ADAMTS9: variants seen among roughly 807,000 people sequenced by gnomAD.
ADAMTS9 encodes A disintegrin and metalloproteinase with thrombospondin motifs 9.
A neutral mutation model predicts 257.1 loss-of-function variants in ADAMTS9; 107 were observed. The ratio of observed to expected loss-of-function variants is 0.42; its 90% CI spans 0.36 to 0.49. ADAMTS9 has a LOEUF of 0.49. Among genes scored for constraint, ADAMTS9 ranks in the 20% least tolerant of loss-of-function variants. ADAMTS9 has a pLI of 0.03. For synonymous variants in ADAMTS9, 982 were observed against 880.9 expected (o/e 1.11, Z -2.03); for missense variants, 2,353 against 2,469.1 (o/e 0.95, Z 1.00).
intron 12 of ADAMTS9, among the ~76,000 whole-genome samples, chr3:64,634,911 T>G (rs539569906): frequency 2.6e-5 from 4 of 152,296 alleles, no homozygotes; most frequent in South Asian, 2.1e-4. Flanking sequence ...AAATATAGAA[T>G]GAGAGGTAGA....
At chr3:64,657,581 T>A (rs1701109499) in intron 4 of ADAMTS9, among the ~76,000 whole-genome samples, 1 of 152,058 alleles carries the variant, frequency 6.6e-6, no homozygotes. Context: ...CCTCAGATTA[T>A]CCCACCTCAG....
chr3:64,577,054 A>T (rs1174217678), intron 28 of ADAMTS9, among the ~76,000 whole-genome samples: 1 of 152,222 alleles, frequency 6.6e-6, no homozygotes, highest in Non-Finnish European at 1.5e-5. Flanking sequence ...TAAATATAGC[A>T]GTATATGAAA....
At chr3:64,579,415 T>G (rs1271194756) in intron 28 of ADAMTS9, among the ~76,000 whole-genome samples, 3 of 152,198 alleles carry the variant, frequency 2.0e-5, no homozygotes, top group African/African-American at 4.8e-5. Flanking sequence ...TCACCTACTC[T>G]TCTACGCTAT....
At position 64,686,808 on chromosome 3, in the gene ADAMTS9, G is replaced by A. The variant is rs772222288; in HGVS notation, c.276C>T (p.Ser92=). The A allele has an allele frequency of 3.2e-5, 51 of 1,613,988 alleles. No homozygotes were observed. The South Asian group carries it at 5.1e-4, about 16-fold the overall frequency. The part of the protein sequence containing the change: ...PWPAFASSSS[S]STSSQAHYRL... ...GGTAATGCGCCTGGGAGGAGGTAGAGGAGGAAGAGGAGGAGGCGAAGGCAG... is the reference window on the plus strand; with the variant it reads ...GGTAATGCGCCTGGGAGGAGGTAGAAGAGGAAGAGGAGGAGGCGAAGGCAG... The change falls in exon 2 of 40, where the codon TCC becomes TCT. Residue 92 remains serine, a synonymous_variant. Coordinates refer to ENST00000498707, the MANE Select transcript of ADAMTS9 (RefSeq NM_182920.2). This position sits in a 1 kb window ranked among gnomAD's most constrained non-coding sequence, Gnocchi z 4.6.
rs772827586 is a variant in ADAMTS9 at position 64,604,176 on chromosome 3, G to C, written c.3579+51C>G. 99 of 1,599,002 alleles carry C rather than the reference G, an allele frequency of 6.2e-5. No individual in the cohort carries two copies. In the South Asian group the frequency reaches 1.1e-3, roughly 18 times the overall value. ...GCCCACTTTCTATAGCCATGTCTGA[G>C]AATGTTAGCCCCCATCCTGCCCTCC... On this transcript the variant is annotated intron_variant, in intron 24 of 39. Coordinates refer to ENST00000498707, the MANE Select transcript of ADAMTS9 (RefSeq NM_182920.2).
chr3:64,655,050 A>G (rs1701027450), intron 6 of ADAMTS9, among the ~76,000 whole-genome samples: 1 of 152,222 alleles, frequency 6.6e-6, no homozygotes, highest in Non-Finnish European at 1.5e-5. Flanking sequence ...TTGTTGCTAC[A>G]GTGTTTTAAC....
rs1189859252 is a variant in ADAMTS9 at position 64,631,908 on chromosome 3, A to G, written c.2193T>C (p.His731=). ...CTCTCCGGGCTTTTGAGTTTAAAAC[A>G]TGATCGCATCCAGCTTGCTTTTAAA... The part of the protein sequence containing the change: ...QGLCRQAGCD[H]VLNSKARRDK... Residue 731 remains histidine, a synonymous_variant, in exon 15 of 40, where the codon CAT becomes CAC. Coordinates refer to ENST00000498707, the MANE Select transcript of ADAMTS9 (RefSeq NM_182920.2). 3.1e-6 allele frequency: 5 copies of G among 1,613,636 alleles called. No homozygotes were observed. The highest frequency in any genetic ancestry group is 1.7e-5 in the Admixed American group (1 of 59,940).
intron 38 of ADAMTS9, among the ~76,000 whole-genome samples, chr3:64,522,821 A>G (rs982105512): frequency 3.9e-5 from 6 of 152,202 alleles, no homozygotes; most frequent in Non-Finnish European, 8.8e-5. Flanking sequence ...AGAGAAAGGT[A>G]GACTTTGAAT....
At chr3:64,659,600 C>A (rs757455258) in intron 3 of ADAMTS9, among the ~76,000 whole-genome samples, 2 of 151,884 alleles carry the variant, frequency 1.3e-5, no homozygotes, top group Non-Finnish European at 2.9e-5. Context: ...AGAAAATGCA[C>A]AACCAGGTAT....
intron 28 of ADAMTS9, among the ~76,000 whole-genome samples, chr3:64,569,609 T>TCA (rs2083627765): frequency 6.6e-6 from 1 of 150,758 alleles, no homozygotes; most frequent in Admixed American, 6.6e-5. Flanking sequence ...ATGAAACATA[T>TCA]TAACTCAACC....
In ADAMTS9 at chr3:64,561,619, G is replaced by A. The variant is rs755182181; in HGVS notation, c.4657C>T (p.Arg1553Trp). The A allele has an allele frequency of 5.0e-6, 8 of 1,613,830 alleles. No individual in the cohort carries two copies. Among genetic ancestry groups the A allele is most frequent in the African/African-American group, 4.0e-5 (3 of 74,852 alleles). The stretch of plus-strand genomic sequence containing the variant: ...GCCCTCCAAGTGTAGAGGGGACACC[G>A]TGGGCCTTGGCAGTCGCGTTCCGAC... ...PESERDCQGP[R>W]CPLYTWRAEE... The change falls in exon 30 of 40, where the codon CGG (arginine) becomes TGG (tryptophan). Residue 1553 changes from arginine to tryptophan, a missense_variant. Around this residue, in one of 3 missense-constraint regions of ADAMTS9, gnomAD observed 1,402 missense variants for 1,441.4 expected, o/e 0.97. Transcript: ENST00000498707.
chr3:64,647,157 G>C (rs1700816854), intron 11 of ADAMTS9, among the ~76,000 whole-genome samples: 1 of 152,132 alleles, frequency 6.6e-6, no homozygotes, highest in South Asian at 2.1e-4. Context: ...TTCAGAGATT[G>C]TATCCTTGGT....
chr3:64,680,842 A>G (rs946617149), intron 3 of ADAMTS9, among the ~76,000 whole-genome samples: 2 of 152,158 alleles, frequency 1.3e-5, no homozygotes, highest in Admixed American at 6.5e-5. Flanking sequence ...AAAAAAATAC[A>G]TGCATTTGGT....
intron 28 of ADAMTS9, chr3:64,586,803 T>G (rs2084166324): frequency 6.6e-6 from 1 of 152,158 alleles, no homozygotes; most frequent in African/African-American, 2.4e-5. Flanking sequence ...TCTTCTGATG[T>G]GTCTTTGAAA....
chr3:64,542,226 C>A (rs1021726575), intron 32 of ADAMTS9, among the ~76,000 whole-genome samples: 2 of 132,852 alleles, frequency 1.5e-5, no homozygotes, highest in Non-Finnish European at 3.6e-5. Flanking sequence ...ATTTTACACA[C>A]ACACACACAC....
At chr3:64,616,527 GAAGACATGGA>G (rs11278277) in intron 19 of ADAMTS9, among the ~76,000 whole-genome samples, 33,641 of 151,818 alleles carry the variant, frequency 0.22, 4,224 homozygotes, top group Non-Finnish European at 0.27. Flanking sequence ...TAAATTCCTT[GAAGACATGGA>G]CTATATTTTA....
intron 12 of ADAMTS9, among the ~76,000 whole-genome samples, chr3:64,637,884 A>G (rs553491503): frequency 1.3e-5 from 2 of 152,316 alleles, no homozygotes; most frequent in African/African-American, 4.8e-5. Context: ...TTACTTATTC[A>G]TTAGTTAATG....
At chr3:64,675,292 A>C (rs1701598113) in intron 3 of ADAMTS9, among the ~76,000 whole-genome samples, 1 of 152,342 alleles carries the variant, frequency 6.6e-6, no homozygotes, top group African/African-American at 2.4e-5. Flanking sequence ...AGAGGCTACC[A>C]CATAATACAC....
rs776499090 is a variant in ADAMTS9, at chr3:64,622,207, G to T, written c.2677C>A (p.Pro893Thr). The stretch of plus-strand genomic sequence containing the variant: ...AATTCAAAGCAGATACCTTGGCAGG[G>T]TTTACTGCATGCTTGCCATGGCCCA... ...SHGPWQACSK[P>T]CQGERKRKLV... is the part of the protein sequence containing the mutation. Residue 893 changes from proline (P) to threonine (T), a missense_variant, in exon 18 of 40, where the codon CCC (proline) becomes ACC (threonine). Physicochemically the swap from Pro to Thr is conservative, Grantham distance 38. Transcript: ENST00000498707. 4 of 1,613,326 alleles carry T rather than the reference G, an allele frequency of 2.5e-6. No individual in the cohort carries two copies. Among genetic ancestry groups the T allele is most frequent in the Admixed American group, 1.7e-5 (1 of 59,962 alleles).
Sources: allele counts gnomAD v4.1 joint callset (sites outside exome capture counted in the v4.1 genomes callset), GRCh38; gene constraint gnomAD v4.1.1; regional missense constraint gnomAD v4.1.1; non-coding constraint Gnocchi (gnomAD v3.1); transcripts MANE v1.5; gene names NCBI Gene and HGNC (gene_info 2026-07-23, HGNC 2026-07-21).